WNT2B: variants seen among roughly 807,000 people sequenced by gnomAD.
WNT2B encodes Wnt family member 2B, also known as protein Wnt-2b.
WNT2B carries 19 observed loss-of-function variants against 40.5 expected under a neutral mutation model. That is an observed-to-expected ratio of 0.47 (90% confidence interval 0.33 to 0.69). The LOEUF (loss-of-function observed/expected upper bound fraction) is 0.69, where lower values mean the gene tolerates loss of function less well. WNT2B is among the 30% of genes least tolerant of loss of function. The probability of loss-of-function intolerance (pLI) is 0.02; values close to 1 mark genes in which losing one functional copy is unlikely to be tolerated. For synonymous variants in WNT2B, 220 were observed against 211.9 expected (o/e 1.04, Z -0.33); for missense variants, 467 against 556.4 (o/e 0.84, Z 1.62).
At chr1:112,503,791 CAG>C (rs1331923471) in intron 1 of WNT2B, among the ~76,000 whole-genome samples, 1 of 151,496 alleles carries the variant, frequency 6.6e-6, no homozygotes, top group Non-Finnish European at 1.5e-5. Context: ...CAAATGAAGA[CAG>C]GGAGATAAAC....
In WNT2B at chr1:112,525,786, G is replaced by A. The variant is rs984272982; in HGVS notation, c.*5277G>A. ...GCCAAACAGAAAGGCTAAGCTGAAT[G>A]AAGAAAAAAGGAAGACAATTTCATC... On this transcript the variant is annotated 3_prime_UTR_variant, in exon 5 of 5. Transcript: ENST00000369684. 1.7e-5 allele frequency: 9 copies of A among 520,326 alleles called. No homozygotes were observed. Among genetic ancestry groups the A allele is most frequent in the Admixed American group, 1.4e-4 (4 of 29,130 alleles). The allele number at this position is 520,326 out of a possible 1,614,324, so 32.2% of individuals were successfully genotyped here. A position where few individuals can be genotyped will look rare whatever the true frequency, so the allele number is the denominator to read the frequency against.
At chr1:112,516,066 A>G in intron 2 of WNT2B, 74 bp from the exon 3 acceptor site, 2 of 1,528,454 alleles carry the variant, frequency 1.3e-6, no homozygotes, top group South Asian at 2.6e-5. Context: ...TCAGAGTCAG[A>G]GGTTGTATGG....
chr1:112,495,214 G>A (rs1197576362), intron 1 of WNT2B, among the ~76,000 whole-genome samples: 1 of 151,356 alleles, frequency 6.6e-6, no homozygotes, highest in African/African-American at 2.5e-5. Flanking sequence ...AGATAAAAGA[G>A]CAGAAGACAA....
intron 1 of WNT2B, among the ~76,000 whole-genome samples, chr1:112,486,662 A>C (rs532839650): frequency 6.6e-6 from 1 of 152,226 alleles, no homozygotes; most frequent in South Asian, 2.1e-4. Flanking sequence ...TTAATAAGAA[A>C]AAAAAAACCC....
intron 4 of WNT2B, among the ~76,000 whole-genome samples, 166 bp from the exon 5 acceptor site, chr1:112,520,110 ATTCC>A (rs1323161089): frequency 6.6e-6 from 1 of 152,046 alleles, no homozygotes; most frequent in African/African-American, 2.4e-5. Flanking sequence ...GGACTCAAGG[ATTCC>A]TTCTGCCTTG....
chr1:112,520,742 A>C lies in WNT2B; in HGVS notation c.*233A>C, dbSNP rs1289085874. 1 of 585,060 alleles carries C rather than the reference A, an allele frequency of 1.7e-6. No individual in the cohort carries two copies. Among genetic ancestry groups the C allele is most frequent in the Non-Finnish European group, 3.0e-6 (1 of 329,640 alleles). 36.2% of individuals were successfully genotyped at this position (585,060 alleles called of 1,614,324 possible). A position where few individuals can be genotyped will look rare whatever the true frequency, so the allele number is the denominator to read the frequency against. On this transcript the variant is annotated 3_prime_UTR_variant, in exon 5 of 5. Coordinates refer to ENST00000369684, the MANE Select transcript of WNT2B (RefSeq NM_024494.3). Reference sequence around the variant, plus strand: ...AGCTCCCTGATTTCCCGCTCTGGAGATTTGAAGGGAGAGTAGAAGAGATAG... The same window carrying C: ...AGCTCCCTGATTTCCCGCTCTGGAGCTTTGAAGGGAGAGTAGAAGAGATAG...
chr1:112,491,518 A>T (rs1472895462), intron 1 of WNT2B, among the ~76,000 whole-genome samples: 2 of 152,218 alleles, frequency 1.3e-5, no homozygotes, highest in Non-Finnish European at 2.9e-5. Context: ...GAAGGGCAGG[A>T]ATCAGCTAAT....
intron 1 of WNT2B, among the ~76,000 whole-genome samples, chr1:112,496,685 C>T (rs1363404701): frequency 6.6e-6 from 1 of 151,912 alleles, no homozygotes; most frequent in East Asian, 1.9e-4. Context: ...ACCACAACCT[C>T]CTCCTCCCGG....
rs1342540010 is a variant in WNT2B at position 112,522,242 on chromosome 1, C to T, written c.*1733C>T. The T allele has an allele frequency of 6.6e-6, 1 of 152,236 alleles. No individual in the cohort carries two copies. Among genetic ancestry groups the T allele is most frequent in the Non-Finnish European group, 1.5e-5 (1 of 68,098 alleles). 9.4% of individuals were successfully genotyped at this position (152,236 alleles called of 1,614,324 possible). On this transcript the variant is annotated 3_prime_UTR_variant, in exon 5 of 5. Coordinates refer to ENST00000369684, the MANE Select transcript of WNT2B (RefSeq NM_024494.3). ...GATGGAGCTCACTATGTTGCCCAGG[C>T]TGGTCTTGAATTCTTGGTCTCAAGC...
chr1:112,516,706 G>A (rs1355738277), intron 3 of WNT2B, among the ~76,000 whole-genome samples: 3 of 152,238 alleles, frequency 2.0e-5, no homozygotes, highest in Non-Finnish European at 1.5e-5. Flanking sequence ...GAGAGGATAA[G>A]AGGTTGTTCT....
At chr1:112,510,703 T>C (rs1217252047) in intron 1 of WNT2B, among the ~76,000 whole-genome samples, 1 of 152,046 alleles carries the variant, frequency 6.6e-6, no homozygotes, top group Non-Finnish European at 1.5e-5. Context: ...TTTTGAATTT[T>C]TTTTTTTTAA....
intron 1 of WNT2B, among the ~76,000 whole-genome samples, chr1:112,496,482 A>G (rs999263032): frequency 1.3e-5 from 2 of 152,228 alleles, no homozygotes; most frequent in African/African-American, 4.8e-5. Context: ...AGTGAGACTC[A>G]GTGCATGATT....
At chr1:112,483,221 CAT>C (rs796261436) in intron 1 of WNT2B, among the ~76,000 whole-genome samples, 68 of 67,352 alleles carry the variant, frequency 1.0e-3, no homozygotes, top group Non-Finnish European at 1.4e-3. Context: ...CACACACACA[CAT>C]ATACACACAC....
rs1653941879 is a variant in WNT2B, at chr1:112,529,123, T to C, written c.*8614T>C. On this transcript the variant is annotated 3_prime_UTR_variant, in exon 5 of 5. Coordinates refer to ENST00000369684, the MANE Select transcript of WNT2B (RefSeq NM_024494.3). ...TGGTGCCACTTTCAGAAACAGAGTA[T>C]TGAACTATGGGTCTGACCCAGTGTG... The C allele has an allele frequency of 6.6e-6, 1 of 152,160 alleles. No individual in the cohort carries two copies. The highest frequency in any genetic ancestry group is 2.4e-5 in the African/African-American group (1 of 41,456). 9.4% of individuals were successfully genotyped at this position (152,160 alleles called of 1,614,324 possible).
intron 4 of WNT2B, among the ~76,000 whole-genome samples, chr1:112,518,883 T>C (rs1652709384): frequency 6.6e-6 from 1 of 152,232 alleles, no homozygotes; most frequent in Non-Finnish European, 1.5e-5. Flanking sequence ...GATAGAAATG[T>C]TTTCCTATCT....
At chr1:112,503,305 G>A (rs920326661) in intron 1 of WNT2B, among the ~76,000 whole-genome samples, 7 of 152,130 alleles carry the variant, frequency 4.6e-5, no homozygotes, top group African/African-American at 1.2e-4. Context: ...TCACCAGTGG[G>A]GAAACTGAGG....
Position 112,527,725 on chromosome 1 carries a change from G to A in WNT2B, c.*7216G>A, listed in dbSNP as rs1653690325. ...GGTCTCACATCTACTTCTTGAAGGT[G>A]TCTAAGTAGAATGCAGAGATTGTCA... On this transcript the variant is annotated 3_prime_UTR_variant, in exon 5 of 5. Coordinates refer to ENST00000369684, the MANE Select transcript of WNT2B (RefSeq NM_024494.3). 1 of 152,512 alleles carries A rather than the reference G, an allele frequency of 6.6e-6. No homozygotes were observed. The highest frequency in any genetic ancestry group is 6.5e-5 in the Admixed American group (1 of 15,290). The allele number at this position is 152,512 out of a possible 1,614,324, so 9.4% of individuals were successfully genotyped here.
chr1:112,496,577 G>A (rs2101069396), intron 1 of WNT2B, among the ~76,000 whole-genome samples: 1 of 151,668 alleles, frequency 6.6e-6, no homozygotes, highest in East Asian at 1.9e-4. Flanking sequence ...TGGGACAGGT[G>A]TAGGACAGAC....
At chr1:112,506,835 T>C (rs527612185), upstream of WNT2B, among the ~76,000 whole-genome samples, 4 of 152,350 alleles carry the variant, frequency 2.6e-5, no homozygotes, top group South Asian at 6.2e-4. Flanking sequence ...CCAGTTTCTG[T>C]GCCAGGAAGT....
Sources: allele counts gnomAD v4.1 joint callset (sites outside exome capture counted in the v4.1 genomes callset), GRCh38; gene constraint gnomAD v4.1.1; transcripts MANE v1.5; gene names NCBI Gene and HGNC (gene_info 2026-07-23, HGNC 2026-07-21).